MRPL13: variants seen among roughly 807,000 people sequenced by gnomAD.
MRPL13 encodes the protein mitochondrial ribosomal protein L13.
Under a neutral mutation model 29.0 loss-of-function variants are expected in MRPL13, and 33 were observed. The observed-to-expected ratio is 1.14, with a 90% CI of 0.86 to 1.52. The LOEUF is 1.52. Ranked by LOEUF, MRPL13 falls within the 40% of genes most tolerant of loss-of-function variation. MRPL13 has a pLI of 0.00. For synonymous variants in MRPL13, 77 were observed against 68.4 expected (o/e 1.13, Z -0.62); for missense variants, 227 against 216.7 (o/e 1.05, Z -0.30).
chr8:120,408,674 C>T (rs918062096), intron 6 of MRPL13, among the ~76,000 whole-genome samples: 4 of 152,174 alleles, frequency 2.6e-5, no homozygotes, highest in Admixed American at 6.6e-5. Flanking sequence ...GTCCAGATCC[C>T]AGCAACTTAT....
In MRPL13 at chr8:120,445,088, T is replaced by C. The variant is rs763443203; in HGVS notation, c.7A>G (p.Ser3Gly). 1.4e-5 allele frequency: 23 copies of C among 1,613,652 alleles called. No individual in the cohort carries two copies. Among genetic ancestry groups the C allele is most frequent in the Non-Finnish European group, 1.9e-5 (22 of 1,179,908 alleles). ...CTCACCTGGGGCGCCCTAGAGAAAC[T>C]CGACATATTCCTCTACTAGCAGGAC... MSSFSRAPQQWAT... is the reference protein window; with the variant it reads MSGFSRAPQQWAT... The change falls in exon 1 of 7, where the codon AGT becomes GGT. Residue 3 changes from serine (S) to glycine (G), a missense_variant. Coordinates refer to ENST00000306185, the MANE Select transcript of MRPL13 (RefSeq NM_014078.6).
chr8:120,400,075 T>C (rs1297834828), intron 6 of MRPL13, among the ~76,000 whole-genome samples: 6 of 152,070 alleles, frequency 3.9e-5, no homozygotes, highest in South Asian at 4.1e-4. Flanking sequence ...TGACAGATCA[T>C]TGGGACAGAA....
intron 5 of MRPL13, among the ~76,000 whole-genome samples, chr8:120,418,118 T>C (rs1812826252): frequency 6.6e-6 from 1 of 152,146 alleles, no homozygotes; most frequent in African/African-American, 2.4e-5. Flanking sequence ...TAAACATACA[T>C]AGGTATATAT....
chr8:120,423,633 T>A (rs1010304177), intron 4 of MRPL13, among the ~76,000 whole-genome samples: 2 of 152,124 alleles, frequency 1.3e-5, no homozygotes, highest in Non-Finnish European at 2.9e-5. Context: ...GAATTCCACA[T>A]ATAGCAAAAC....
intron 2 of MRPL13, among the ~76,000 whole-genome samples, 198 bp from the exon 3 acceptor site, chr8:120,432,321 T>C (rs976197554): frequency 1.3e-5 from 2 of 152,082 alleles, no homozygotes; most frequent in Non-Finnish European, 2.9e-5. Flanking sequence ...AAGAGTTGGC[T>C]GGCCATTTGG....
chr8:120,405,500 T>A (rs1172610142), intron 6 of MRPL13, among the ~76,000 whole-genome samples: 1 of 152,202 alleles, frequency 6.6e-6, no homozygotes, highest in Non-Finnish European at 1.5e-5. Flanking sequence ...ATTGCTGGTT[T>A]ATGGACCACA....
intron 3 of MRPL13, among the ~76,000 whole-genome samples, chr8:120,429,676 G>C (rs146549823): frequency 6.6e-6 from 1 of 152,206 alleles, no homozygotes; most frequent in East Asian, 1.9e-4. Context: ...TCTATTAAGT[G>C]AAAAAGGATA....
chr8:120,425,460 T>C (rs938261846), intron 3 of MRPL13, 94 bp from the exon 4 acceptor site: 6 of 896,784 alleles, frequency 6.7e-6, no homozygotes, highest in Non-Finnish European at 1.0e-5. Flanking sequence ...TTTTAATAAA[T>C]TGTTTCTCGA....
Position 120,429,007 on chromosome 8 carries a change from A to G in MRPL13, c.245+3023T>C, listed in dbSNP as rs376310538. Among the ~76,000 whole-genome samples the G allele has an allele frequency of 7.2e-4, 109 of 152,298 alleles. 1 individual carries two copies. Among genetic ancestry groups the G allele is most frequent in the African/African-American group, 2.5e-3 (104 of 41,558 alleles). On this transcript the variant is annotated intron_variant, in intron 3 of 6. Coordinates refer to ENST00000306185, the MANE Select transcript of MRPL13 (RefSeq NM_014078.6). ...ATCCCATTCCTAGGTACATACCCTA[A>G]GAAATATAAATTGTTCTATTATGAA...
chr8:120,432,374 C>T (rs917687237), intron 2 of MRPL13, among the ~76,000 whole-genome samples: 1 of 151,928 alleles, frequency 6.6e-6, no homozygotes, highest in African/African-American at 2.4e-5. Context: ...AATAAGGTTG[C>T]CAATAACAAC....
At position 120,432,089 on chromosome 8, in the gene MRPL13, T is replaced by G. The variant is rs749622983; in HGVS notation, c.186A>C (p.Thr62=). The G allele has an allele frequency of 1.6e-5, 25 of 1,607,428 alleles. No homozygotes were observed. The South Asian group carries it at 2.5e-4, about 16-fold the overall frequency. The change falls in exon 3 of 7, where the codon ACA becomes ACC. Residue 62 remains threonine, a synonymous_variant. Coordinates refer to ENST00000306185, the MANE Select transcript of MRPL13 (RefSeq NM_014078.6). Reference sequence around the variant, plus strand: ...TGTTTCCAGAAAATGCAATGTGTCTTGTGTTCATTATAACAACATGATCCC... The same window carrying G: ...TGTTTCCAGAAAATGCAATGTGTCTGGTGTTCATTATAACAACATGATCCC... The part of the protein sequence containing the change: ...DCGDHVVIMN[T]RHIAFSGNKW...
At chr8:120,416,460 C>T (rs931406877) in intron 5 of MRPL13, among the ~76,000 whole-genome samples, 73 of 152,228 alleles carry the variant, frequency 4.8e-4, no homozygotes, top group African/African-American at 1.6e-3. Context: ...TGCCACTGCA[C>T]TCCAGCCTGG....
intron 6 of MRPL13, among the ~76,000 whole-genome samples, chr8:120,400,597 G>GA (rs985808657): frequency 2.0e-5 from 3 of 151,624 alleles, no homozygotes; most frequent in African/African-American, 7.3e-5. Flanking sequence ...ACAGCTAGCA[G>GA]AAGACAAGAA....
rs1194691331 is a variant in MRPL13 at position 120,395,509 on chromosome 8, T to G, written c.*595A>C. 6.6e-6 allele frequency: 1 copy of G among 152,512 alleles called. No homozygotes were observed. Among genetic ancestry groups the G allele is most frequent in the East Asian group, 1.9e-4 (1 of 5,214 alleles). The allele number at this position is 152,512 out of a possible 1,614,324, so 9.4% of individuals were successfully genotyped here. A position where few individuals can be genotyped will look rare whatever the true frequency, so the allele number is the denominator to read the frequency against. On this transcript the variant is annotated 3_prime_UTR_variant, in exon 7 of 7. Coordinates refer to ENST00000306185, the MANE Select transcript of MRPL13 (RefSeq NM_014078.6). ...GTGGAGAGTCTACAAACAGAATCACTGGCAGGGAAGAGGGATTTCTAACGA... is the reference window on the plus strand; with the variant it reads ...GTGGAGAGTCTACAAACAGAATCACGGGCAGGGAAGAGGGATTTCTAACGA...
chr8:120,402,284 T>C (rs1347114448), intron 6 of MRPL13, among the ~76,000 whole-genome samples: 2 of 152,156 alleles, frequency 1.3e-5, no homozygotes, highest in East Asian at 1.9e-4. Flanking sequence ...AATCGTGTGG[T>C]ACTGGTACAA....
chr8:120,432,948 T>G (rs1813013227), intron 2 of MRPL13, among the ~76,000 whole-genome samples: 2 of 151,906 alleles, frequency 1.3e-5, no homozygotes, highest in Non-Finnish European at 2.9e-5. Context: ...AAAAAAGTAC[T>G]AAAAATAAGA....
intron 6 of MRPL13, among the ~76,000 whole-genome samples, chr8:120,396,784 T>A (rs1197815910): frequency 6.6e-6 from 1 of 152,232 alleles, no homozygotes; most frequent in Non-Finnish European, 1.5e-5. Context: ...TGTCCTGTTA[T>A]CTTTTCAAAA....
intron 2 of MRPL13, among the ~76,000 whole-genome samples, chr8:120,441,743 C>T (rs972012753): frequency 2.0e-5 from 3 of 152,102 alleles, no homozygotes; most frequent in Admixed American, 2.0e-4. Flanking sequence ...ATGCACTGAA[C>T]ATGAGACCAT....
At chr8:120,414,233 T>G in intron 5 of MRPL13, 121 bp from the exon 6 acceptor site, 5 of 777,208 alleles carry the variant, frequency 6.4e-6, no homozygotes, top group Non-Finnish European at 8.8e-6. Context: ...AAGGAAAACA[T>G]AAAATCTTTA....
Sources: gnomAD v4.1 joint callset for allele counts (sites outside exome capture counted in the v4.1 genomes callset) on GRCh38, gnomAD v4.1.1 for gene constraint, MANE v1.5 for transcripts, NCBI Gene and HGNC (gene_info 2026-07-23, HGNC 2026-07-21) for gene names.